Variants in FN1 observed in about 807,000 individuals in gnomAD.
FN1 encodes fibronectin 1.
In FN1, 106 loss-of-function variants were observed where a neutral mutation model predicts 297.3. The observed-to-expected ratio is 0.36, with a 90% CI of 0.30 to 0.42. The LOEUF is 0.42. Among genes scored for constraint, FN1 ranks in the 10% least tolerant of loss-of-function variants. FN1 has a pLI of 1.00. For missense variants in FN1, 2,690 were observed against 3,124.9 expected, an observed-to-expected ratio of 0.86 and a Z score of 3.32; for synonymous variants, 1,149 against 1,152.6, an observed-to-expected ratio of 1.00 and a Z score of 0.06.
At chr2:215,405,991 CCT>C (rs1222296127) in intron 19 of FN1, among the ~76,000 whole-genome samples, 2 of 152,126 alleles carry the variant, frequency 1.3e-5, no homozygotes, top group East Asian at 3.9e-4. Context: ...TCAGTTCTCC[CCT>C]CTTAGTACCC....
intron 28 of FN1, among the ~76,000 whole-genome samples, chr2:215,386,067 C>A (rs529263189): frequency 7.1e-6 from 1 of 140,210 alleles, no homozygotes; most frequent in Admixed American, 7.5e-5. Flanking sequence ...TGAGCCATTG[C>A]GCCTGGCCCT....
chr2:215,370,554 CAAAA>C lies in FN1; in HGVS notation c.6715-126_6715-123del, dbSNP rs768951130. On this transcript the variant is annotated intron_variant, in intron 40 of 45. Transcript: ENST00000354785. ...GCAAAGGAAGACAAAAAACAAAAAA[CAAAA>C]AAAAAAAAAAGAGGGAGGGTATAGT... 13 of 315,306 alleles carry C rather than the reference CAAAA, an allele frequency of 4.1e-5. 1 individual carries two copies. The highest frequency in any genetic ancestry group is 2.6e-4 in the East Asian group (6 of 23,030). 19.5% of individuals were successfully genotyped at this position (315,306 alleles called of 1,614,324 possible). A position where few individuals can be genotyped will look rare whatever the true frequency, so the allele number is the denominator to read the frequency against.
intron 22 of FN1, 97 bp downstream of exon 22, chr2:215,397,583 G>T: frequency 1.0e-6 from 1 of 995,756 alleles, no homozygotes; most frequent in Non-Finnish European, 1.6e-6. Context: ...TCTCCCCTGT[G>T]CCATTCTCAT....
chr2:215,436,063 G>A lies in FN1; in HGVS notation c.-261C>T, dbSNP rs555909893. 3.4e-6 allele frequency: 2 copies of A among 588,152 alleles called. No homozygotes were observed. The highest frequency in any genetic ancestry group is 7.6e-5 in the South Asian group (2 of 26,360). 36.4% of individuals were successfully genotyped at this position (588,152 alleles called of 1,614,324 possible). ...CCTCCCCCTGTGCAGCACAGCCGGC[G>A]CGGGCGTCCGAGCGCCGGGAGCCGG... On this transcript the variant is annotated 5_prime_UTR_variant, in exon 1 of 46. Coordinates refer to ENST00000354785, the MANE Select transcript of FN1 (RefSeq NM_212482.4).
chr2:215,379,685 T>C (rs1240461668), intron 33 of FN1: 1 of 246,600 alleles, frequency 4.1e-6, no homozygotes, highest in African/African-American at 2.3e-5. Flanking sequence ...GCCCTTTTTC[T>C]TTCTTAAAAT....
rs138522820 is a variant in FN1 at position 215,406,374 on chromosome 2, G to A, written c.2850C>T (p.His950=). ...TCCTGCTGATGGGCAGCCTCTGCCC[G>A]TGCTCGCCAGGCAGGTTGACGGGGA... ...DVIPVNLPGE[H]GQRLPISRNT... Residue 950 remains histidine (H), a synonymous_variant, in exon 19 of 46, where the codon CAC becomes CAT. Transcript: ENST00000354785. 72 of 1,614,172 alleles carry A rather than the reference G, an allele frequency of 4.5e-5. No homozygotes were observed. In the African/African-American group the frequency reaches 6.0e-4, roughly 13 times the overall value.
chr2:215,411,406 C>T (rs114880693), intron 13 of FN1, among the ~76,000 whole-genome samples: 2,771 of 152,206 alleles, frequency 0.018, 90 homozygotes, highest in African/African-American at 0.062. Context: ...TTGGAATAAG[C>T]GAGAGTGATC....
At position 215,386,986 on chromosome 2, in the gene FN1, GAA is replaced by G. The variant is rs149820115; in HGVS notation, c.4343-30_4343-29del. ...GTTTTTCCCACCCGGGGGAGGAAGA[GAA>G]AAAAAAAAGAAAAGACACCACCAGT... is the stretch of plus-strand genomic sequence containing the variant. On this transcript the variant is annotated intron_variant, in intron 27 of 45. Transcript: ENST00000354785. 7.9e-5 allele frequency: 109 copies of G among 1,377,154 alleles called. No homozygotes were observed. In the African/African-American group the frequency reaches 1.5e-3, roughly 19 times the overall value. The allele number at this position is 1,377,154 out of a possible 1,614,324, so 85.3% of individuals were successfully genotyped here.
At chr2:215,426,026 T>TA (rs1231992273) in intron 6 of FN1, among the ~76,000 whole-genome samples, 2 of 152,224 alleles carry the variant, frequency 1.3e-5, no homozygotes, top group Non-Finnish European at 2.9e-5. Flanking sequence ...TTCCACATTT[T>TA]ATTTCTCCTC....
intron 3 of FN1, among the ~76,000 whole-genome samples, 197 bp from the exon 4 acceptor site, chr2:215,432,161 A>G (rs565400549): frequency 2.4e-4 from 36 of 152,310 alleles, no homozygotes; most frequent in Middle Eastern, 3.4e-3. Context: ...TTAGAACACA[A>G]TGGAAAACCA....
In FN1 at chr2:215,364,602, G is replaced by T. The variant is rs947009421; in HGVS notation, c.7251+277C>A. 23 of 526,678 alleles carry T rather than the reference G, an allele frequency of 4.4e-5. No homozygotes were observed. The Admixed American group carries it at 4.4e-4, about 10-fold the overall frequency. 32.6% of individuals were successfully genotyped at this position (526,678 alleles called of 1,614,324 possible). ...GATTCTAACATCATATAAATGACAG[G>T]TGTTGCTATTAAGAATGACTCAAGA... is the stretch of plus-strand genomic sequence containing the variant. On this transcript the variant is annotated intron_variant, in intron 44 of 45. Coordinates refer to ENST00000354785, the MANE Select transcript of FN1 (RefSeq NM_212482.4).
At chr2:215,384,727 T>G in intron 29 of FN1, 133 bp downstream of exon 29, 1 of 709,460 alleles carries the variant, frequency 1.4e-6, no homozygotes, top group South Asian at 1.7e-5. Flanking sequence ...ACGTATTTTC[T>G]TGGAAAAAAC....
At chr2:215,424,911 A>T (rs2065067651) in intron 7 of FN1, among the ~76,000 whole-genome samples, 183 bp downstream of exon 7, 2 of 152,264 alleles carry the variant, frequency 1.3e-5, no homozygotes, top group African/African-American at 4.8e-5. Flanking sequence ...ATGACCAGAA[A>T]GAAAATACAT....
At position 215,420,680 on chromosome 2, in the gene FN1, A is replaced by G. The variant is rs1393522673; in HGVS notation, c.1668T>C (p.Asp556=). The G allele has an allele frequency of 1.2e-6, 2 of 1,613,994 alleles. No homozygotes were observed. The highest frequency in any genetic ancestry group is 1.7e-6 in the Non-Finnish European group (2 of 1,179,992). ...FGQGRGRWKC[D]PVDQCQDSET... ...GGAAATAGGGCTACTCACCGACGGG[A>G]TCACACTTCCACCTGCCCCGACCCT... is the stretch of plus-strand genomic sequence containing the variant. The change falls in exon 11 of 46, where the codon GAT becomes GAC. Residue 556 remains aspartate (D), a synonymous_variant. Transcript: ENST00000354785.
In FN1 at chr2:215,435,899, T is replaced by C. The variant is rs2067400178; in HGVS notation, c.-97A>G. 7.0e-7 allele frequency: 1 copy of C among 1,434,894 alleles called. No homozygotes were observed. Among genetic ancestry groups the C allele is most frequent in the Admixed American group, 2.3e-5 (1 of 42,962 alleles). 88.9% of individuals were successfully genotyped at this position (1,434,894 alleles called of 1,614,324 possible). ...TGCGGGAAAAATCCCTTCTAATGCC[T>C]CCCGGGGGTTGTCGCCTCCAAGAAG... is the stretch of plus-strand genomic sequence containing the variant. On this transcript the variant is annotated 5_prime_UTR_variant, in exon 1 of 46. Coordinates refer to ENST00000354785, the MANE Select transcript of FN1 (RefSeq NM_212482.4).
intron 20 of FN1, among the ~76,000 whole-genome samples, chr2:215,400,295 C>A (rs1247600351): frequency 1.3e-5 from 2 of 152,062 alleles, no homozygotes; most frequent in African/African-American, 4.8e-5. Context: ...AATCTGCCAC[C>A]ATGGATGCAC....
At position 215,397,692 on chromosome 2, in the gene FN1, T is replaced by C. The variant is rs373362388; in HGVS notation, c.3505A>G (p.Lys1169Glu). The C allele has an allele frequency of 1.7e-5, 27 of 1,614,032 alleles. No homozygotes were observed. The highest frequency in any genetic ancestry group is 2.0e-5 in the Non-Finnish European group (24 of 1,179,976). Residue 1169 changes from lysine to glutamate, a missense_variant, in exon 22 of 46, where the codon AAA (lysine) becomes GAA (glutamate). Transcript: ENST00000354785. The stretch of plus-strand genomic sequence containing the variant: ...AAATTCTTCTTACGTGTCACCACTT[T>C]GTTTACAATTGGCGCATCTCTTTCC... ...GQERDAPIVN[K>E]VVTPLSPPTN...
intron 39 of FN1, among the ~76,000 whole-genome samples, chr2:215,372,887 T>C (rs1000066010): frequency 2.0e-5 from 3 of 152,196 alleles, no homozygotes; most frequent in Non-Finnish European, 4.4e-5. Context: ...CACATTTTCT[T>C]GAAATTAACT....
chr2:215,435,314 G>C (rs1472211634), intron 1 of FN1, among the ~76,000 whole-genome samples: 1 of 152,150 alleles, frequency 6.6e-6, no homozygotes, highest in Non-Finnish European at 1.5e-5. Context: ...TAGCAGTAAG[G>C]ACCACACTAA....
Sources: allele counts gnomAD v4.1 joint callset (sites outside exome capture counted in the v4.1 genomes callset), GRCh38; gene constraint gnomAD v4.1.1; transcripts MANE v1.5; gene names NCBI Gene and HGNC (gene_info 2026-07-23, HGNC 2026-07-21).